Variants in SLC18A1 observed in about 807,000 individuals in gnomAD.
The protein encoded by SLC18A1 is solute carrier family 18 member A1, also known as chromaffin granule amine transporter.
In SLC18A1, 69 loss-of-function variants were observed where a neutral mutation model predicts 53.7. The ratio of observed to expected loss-of-function variants is 1.28; its 90% CI spans 1.06 to 1.57. The LOEUF is 1.57. SLC18A1 is among the 40% of genes most tolerant of loss of function. The pLI is 0.00. For missense variants in SLC18A1, 932 were observed against 668.1 expected (o/e 1.40, Z -4.35); for synonymous variants, 320 against 248.1 (o/e 1.29, Z -2.72).
chr8:20,165,082 A>C lies in SLC18A1; in HGVS notation c.884T>G (p.Met295Arg), dbSNP rs1320418390. 9 of 1,614,120 alleles carry C rather than the reference A, an allele frequency of 5.6e-6. No homozygotes were observed. The East Asian group carries it at 2.0e-4, about 36-fold the overall frequency. The stretch of plus-strand genomic sequence containing the variant: ...CAGGATGTAAGGGTCTTTGAGAAGC[A>C]TAAAGAGGGGAGTCCCCTTGGCACT... ...PESAKGTPLF[M>R]LLKDPYILVA... Residue 295 changes from methionine (M) to arginine (R), a missense_variant, in exon 9 of 16, where the codon ATG (methionine) becomes AGG (arginine). Physicochemically the swap from Met to Arg is moderately conservative, Grantham distance 91 (BLOSUM62 -1). Coordinates refer to ENST00000276373, the MANE Select transcript of SLC18A1 (RefSeq NM_003053.4).
intron 8 of SLC18A1, among the ~76,000 whole-genome samples, chr8:20,167,128 A>C (rs2071988298): frequency 6.6e-6 from 1 of 151,524 alleles, no homozygotes; most frequent in African/African-American, 2.4e-5. Flanking sequence ...ACTAAAACTA[A>C]ATGCCAAAAA....
intron 4 of SLC18A1, among the ~76,000 whole-genome samples, chr8:20,177,457 G>A (rs568676855): frequency 3.3e-5 from 5 of 152,120 alleles, no homozygotes; most frequent in Non-Finnish European, 5.9e-5. Context: ...CATGGACACC[G>A]GAAGGGGAAC....
At chr8:20,178,378 C>T (rs1465051271) in intron 4 of SLC18A1, 57 bp downstream of exon 4, 5 of 1,415,496 alleles carry the variant, frequency 3.5e-6, no homozygotes. Flanking sequence ...ACCGCATTCA[C>T]TTGATAAAAT....
At chr8:20,151,897 A>G (rs2071565689) in intron 10 of SLC18A1, among the ~76,000 whole-genome samples, 1 of 152,206 alleles carries the variant, frequency 6.6e-6, no homozygotes. Flanking sequence ...ACAAAATTCT[A>G]GCCCTCAGCT....
intron 10 of SLC18A1, among the ~76,000 whole-genome samples, chr8:20,162,299 C>A (rs1000011153): frequency 1.3e-5 from 2 of 152,172 alleles, no homozygotes; most frequent in Admixed American, 1.3e-4. Flanking sequence ...CTCCCACAGT[C>A]TTAATAAGTG....
chr8:20,180,615 C>T (rs558315522), intron 2 of SLC18A1, among the ~76,000 whole-genome samples: 1 of 152,334 alleles, frequency 6.6e-6, no homozygotes, highest in Non-Finnish European at 1.5e-5. Context: ...CAGACCCTCT[C>T]TGGACCTCCT....
chr8:20,171,312 C>A (rs1169399026), intron 7 of SLC18A1, 93 bp downstream of exon 7: 3 of 1,339,784 alleles, frequency 2.2e-6, no homozygotes, highest in Non-Finnish European at 2.1e-6. Flanking sequence ...CATGTCCAAA[C>A]CGCCCATTCT....
chr8:20,166,379 G>GTAATT (rs1257606103), intron 8 of SLC18A1, among the ~76,000 whole-genome samples: 1 of 143,022 alleles, frequency 7.0e-6, no homozygotes, highest in Admixed American at 7.1e-5. Context: ...AACTAGTAGA[G>GTAATT]TAATTTTCAG....
At chr8:20,177,481 G>A (rs1008278821) in intron 4 of SLC18A1, among the ~76,000 whole-genome samples, 1 of 152,168 alleles carries the variant, frequency 6.6e-6, no homozygotes, top group Non-Finnish European at 1.5e-5. Context: ...ACACACCGGG[G>A]CCTGTCATGG....
chr8:20,179,106 C>T lies in SLC18A1; in HGVS notation c.488+15G>A. On this transcript the variant is annotated intron_variant, in intron 3 of 15. Transcript: ENST00000276373. ...CTCCTGTGTACCCTGCGGGGCACTG[C>T]ACCCAGTGAGATACCTGTTGGTGAG... 1 of 1,602,930 alleles carries T rather than the reference C, an allele frequency of 6.2e-7. No individual in the cohort carries two copies. Among genetic ancestry groups the T allele is most frequent in the Non-Finnish European group, 8.5e-7 (1 of 1,173,662 alleles).
At chr8:20,181,187 C>G (rs1457943513) in intron 1 of SLC18A1, 100 bp from the exon 2 acceptor site, 5 of 399,608 alleles carry the variant, frequency 1.3e-5, no homozygotes, top group South Asian at 3.9e-5. Context: ...ATCTCAATAA[C>G]TCTACCTGGT....
In SLC18A1 at chr8:20,165,177, G is replaced by T. The variant is rs536543873; in HGVS notation, c.859-70C>A. On this transcript the variant is annotated intron_variant, in intron 8 of 15. Transcript: ENST00000276373. ...CATCTCTCCTATTTTCACAGAATCT[G>T]AGAAAGTACAATTATGGGCTTAGAG... 1.9e-4 allele frequency: 257 copies of T among 1,376,490 alleles called. No individual in the cohort carries two copies. In the Middle Eastern group the frequency reaches 2.9e-3, roughly 15 times the overall value. The allele number at this position is 1,376,490 out of a possible 1,614,324, so 85.3% of individuals were successfully genotyped here. A position where few individuals can be genotyped will look rare whatever the true frequency, so the allele number is the denominator to read the frequency against.
At position 20,165,103 on chromosome 8, in the gene SLC18A1, G is replaced by C; in HGVS notation, c.863C>G (p.Ala288Gly). 1 of 1,613,960 alleles carries C rather than the reference G, an allele frequency of 6.2e-7. No individual in the cohort carries two copies. The highest frequency in any genetic ancestry group is 1.3e-5 in the African/African-American group (1 of 75,056). ...LQPSKVSPES[A>G]KGTPLFMLLK... ...AAGCATAAAGAGGGGAGTCCCCTTG[G>C]CACTCTGAGAACATGGATAACAAAA... The change falls in exon 9 of 16, where the codon GCC (alanine) becomes GGC (glycine). Residue 288 changes from alanine (A) to glycine (G), a missense_variant. By Grantham distance (60) the Ala-to-Gly change is moderately conservative. Transcript: ENST00000276373.
At chr8:20,175,871 C>A (rs1371041712) in intron 4 of SLC18A1, 1 of 152,212 alleles carries the variant, frequency 6.6e-6, no homozygotes, top group East Asian at 1.9e-4. Context: ...CTCTTCTTTC[C>A]TGGCCACCAG....
At chr8:20,178,601 T>A in intron 3 of SLC18A1, 108 bp from the exon 4 acceptor site, 1 of 769,364 alleles carries the variant, frequency 1.3e-6, no homozygotes. Context: ...TTTGGGTGTA[T>A]GGTAAAACAT....
intron 7 of SLC18A1, 61 bp from the exon 8 acceptor site, chr8:20,171,207 A>G: frequency 6.4e-7 from 1 of 1,559,164 alleles, no homozygotes; most frequent in Non-Finnish European, 8.8e-7. Context: ...GGGCTCCAAT[A>G]ACAGCTGTAG....
rs530999448 is a variant in SLC18A1, at chr8:20,152,029, T to C, written c.1016-1285A>G. Among the ~76,000 whole-genome samples the C allele has an allele frequency of 2.4e-4, 36 of 152,328 alleles. No individual in the cohort carries two copies. The South Asian group carries it at 7.5e-3, about 32-fold the overall frequency. On this transcript the variant is annotated intron_variant, in intron 10 of 15. Coordinates refer to ENST00000276373, the MANE Select transcript of SLC18A1 (RefSeq NM_003053.4). ...TAATGTGGTGATATAGCAGAGCAAC[T>C]CAGAAGGGCTATCTGGGATTTCAGG...
At chr8:20,175,919 G>A (rs1205141893) in intron 4 of SLC18A1, 1 of 152,196 alleles carries the variant, frequency 6.6e-6, no homozygotes, top group East Asian at 1.9e-4. Flanking sequence ...AGTCTTTTCT[G>A]TCTACTCTCC....
At chr8:20,160,368 G>A (rs1203517828) in intron 10 of SLC18A1, among the ~76,000 whole-genome samples, 2 of 150,250 alleles carry the variant, frequency 1.3e-5, no homozygotes, top group Non-Finnish European at 1.5e-5. Flanking sequence ...AATCCACGTT[G>A]CTCGTTCTTT....
Sources: gnomAD v4.1 joint callset for allele counts (sites outside exome capture counted in the v4.1 genomes callset) on GRCh38, gnomAD v4.1.1 for gene constraint, MANE v1.5 for transcripts, NCBI Gene and HGNC (gene_info 2026-07-23, HGNC 2026-07-21) for gene names.